Variants in UNC13B observed in about 807,000 individuals in gnomAD.
UNC13B encodes protein unc-13 homolog B.
Under a neutral mutation model 211.0 loss-of-function variants are expected in UNC13B, and 144 were observed. That is an observed-to-expected ratio of 0.68 (90% CI 0.60 to 0.78). The LOEUF (loss-of-function observed/expected upper bound fraction) is 0.78. Among genes scored for constraint, UNC13B ranks in the 30% least tolerant of loss-of-function variants. UNC13B has a pLI of 0.00. For synonymous variants in UNC13B, 709 were observed against 725.8 expected (o/e 0.98, Z 0.37); for missense variants, 1,777 against 2,002.0 (o/e 0.89, Z 2.14).
intron 1 of UNC13B, among the ~76,000 whole-genome samples, chr9:35,224,040 T>C (rs1180347291): frequency 6.6e-6 from 1 of 152,192 alleles, no homozygotes; most frequent in East Asian, 1.9e-4. Flanking sequence ...GTAACCTGCT[T>C]TGGTTACTAT....
At chr9:35,271,605 A>G (rs775916518) in intron 7 of UNC13B, among the ~76,000 whole-genome samples, 5 of 152,238 alleles carry the variant, frequency 3.3e-5, no homozygotes, top group Non-Finnish European at 5.9e-5. Context: ...TAAGGTATTT[A>G]CACTTCACTC....
chr9:35,316,756 G>T (rs1477286681), intron 11 of UNC13B, among the ~76,000 whole-genome samples: 1 of 152,132 alleles, frequency 6.6e-6, no homozygotes, highest in Non-Finnish European at 1.5e-5. Flanking sequence ...TAATTAGTAT[G>T]TTGGAACCAA....
At chr9:35,364,572 T>C in intron 11 of UNC13B, 1 of 1,536,084 alleles carries the variant, frequency 6.5e-7, no homozygotes. Flanking sequence ...CTTCAGGTTG[T>C]GCCTATGACC....
At chr9:35,170,168 T>G (rs551231126) in intron 1 of UNC13B, among the ~76,000 whole-genome samples, 10 of 152,284 alleles carry the variant, frequency 6.6e-5, no homozygotes, top group Admixed American at 3.9e-4. Flanking sequence ...TACTGTTTTT[T>G]TTTTGTTTTG....
At chr9:35,294,257 C>A (rs1829239719) in intron 7 of UNC13B, among the ~76,000 whole-genome samples, 1 of 151,874 alleles carries the variant, frequency 6.6e-6, no homozygotes, top group South Asian at 2.1e-4. Flanking sequence ...ATTGTAAAAG[C>A]CTAATCTTAC....
At chr9:35,365,573 G>T (rs1833720299) in intron 11 of UNC13B, among the ~76,000 whole-genome samples, 1 of 148,134 alleles carries the variant, frequency 6.8e-6, no homozygotes, top group African/African-American at 2.7e-5. Context: ...GGGATTTAGG[G>T]ATTGGCTCCC....
At chr9:35,196,291 T>C (rs1344355799) in intron 1 of UNC13B, among the ~76,000 whole-genome samples, 1 of 152,220 alleles carries the variant, frequency 6.6e-6, no homozygotes, top group African/African-American at 2.4e-5. Flanking sequence ...AGGGAACTAG[T>C]GCCACAATGT....
chr9:35,318,377 A>T (rs1830570291), intron 11 of UNC13B, among the ~76,000 whole-genome samples: 1 of 152,060 alleles, frequency 6.6e-6, no homozygotes, highest in South Asian at 2.1e-4. Flanking sequence ...AACACCAAGG[A>T]TTTTTTTGCC....
At chr9:35,312,609 A>G (rs1025528241) in intron 10 of UNC13B, among the ~76,000 whole-genome samples, 1 of 152,212 alleles carries the variant, frequency 6.6e-6, no homozygotes, top group Non-Finnish European at 1.5e-5. Context: ...CCTTGGCCAG[A>G]AGTGCCCACA....
At chr9:35,247,071 C>A (rs901237865) in intron 6 of UNC13B, among the ~76,000 whole-genome samples, 1 of 152,114 alleles carries the variant, frequency 6.6e-6, no homozygotes, top group African/African-American at 2.4e-5. Context: ...TCCTTCACAT[C>A]CCTTGTAAGT....
intron 4 of UNC13B, 68 bp from the exon 5 acceptor site, chr9:35,237,635 A>G: frequency 6.3e-7 from 1 of 1,582,044 alleles, no homozygotes; most frequent in South Asian, 1.2e-5. Flanking sequence ...CAGAGAAAAA[A>G]ACCTGACTCT....
At position 35,318,461 on chromosome 9, in the gene UNC13B, G is replaced by A. The variant is rs377706604; in HGVS notation, c.9414+4472G>A. On this transcript the variant is annotated intron_variant, in intron 11 of 39. Transcript: ENST00000635942. Reference sequence around the variant, plus strand: ...TAATCTTGTTAGTTTCCTATTTATCGTTCTAGAATATCTGTCTACAAGTAC... The same window carrying A: ...TAATCTTGTTAGTTTCCTATTTATCATTCTAGAATATCTGTCTACAAGTAC... Among the ~76,000 whole-genome samples the A allele has an allele frequency of 7.6e-4, 116 of 152,128 alleles. 1 individual carries two copies. In the South Asian group the frequency reaches 0.018, roughly 23 times the overall value.
At chr9:35,244,802 T>C (rs1487767989) in intron 6 of UNC13B, among the ~76,000 whole-genome samples, 1 of 152,182 alleles carries the variant, frequency 6.6e-6, no homozygotes, top group East Asian at 1.9e-4. Context: ...ATACTTAGGG[T>C]TAGAAGTCTA....
chr9:35,379,411 T>C (rs1054135717), intron 17 of UNC13B, among the ~76,000 whole-genome samples: 2 of 151,798 alleles, frequency 1.3e-5, no homozygotes, highest in African/African-American at 4.8e-5. Context: ...ATCATGCCAC[T>C]GTACTCCAGC....
chr9:35,337,507 A>G (rs966198835), intron 11 of UNC13B, among the ~76,000 whole-genome samples: 11 of 152,318 alleles, frequency 7.2e-5, no homozygotes, highest in Admixed American at 7.2e-4. Flanking sequence ...CTTCAGACTT[A>G]CCTAGTTGAG....
At chr9:35,353,021 G>A (rs1832817017) in intron 11 of UNC13B, 10 of 1,232,170 alleles carry the variant, frequency 8.1e-6, no homozygotes, top group Non-Finnish European at 9.1e-6. Context: ...AGCTGGGCTC[G>A]ATATTCTGAG....
intron 1 of UNC13B, among the ~76,000 whole-genome samples, chr9:35,201,847 G>T (rs919128224): frequency 6.6e-6 from 1 of 151,760 alleles, no homozygotes; most frequent in African/African-American, 2.4e-5. Context: ...CTTCAGTTCT[G>T]CTCTGATCTT....
intron 1 of UNC13B, among the ~76,000 whole-genome samples, chr9:35,182,511 TTCTC>T (rs1048391558): frequency 2.0e-5 from 3 of 152,074 alleles, no homozygotes; most frequent in Admixed American, 6.5e-5. Flanking sequence ...TCTTGGGTGT[TTCTC>T]AGAGAGGGGG....
intron 11 of UNC13B, among the ~76,000 whole-genome samples, chr9:35,362,799 CAAAAAAA>C: frequency 1.0e-5 from 1 of 98,840 alleles, no homozygotes; most frequent in African/African-American, 3.6e-5. Flanking sequence ...GACTCCGTCT[CAAAAAAA>C]AAAAAAAAAA....
Sources: allele counts gnomAD v4.1 joint callset (sites outside exome capture counted in the v4.1 genomes callset), GRCh38; gene constraint gnomAD v4.1.1; transcripts MANE v1.5; gene names NCBI Gene and HGNC (gene_info 2026-07-23, HGNC 2026-07-21).